ABCC1: variants seen among roughly 807,000 people sequenced by gnomAD.
ABCC1 encodes the protein multidrug resistance-associated protein 1.
In ABCC1, 83 loss-of-function variants were observed where a neutral mutation model predicts 172.9. That is an observed-to-expected ratio of 0.48 (90% CI 0.40 to 0.58). The LOEUF (loss-of-function observed/expected upper bound fraction) is 0.58. Ranked by LOEUF, ABCC1 falls within the 20% of genes least tolerant of loss-of-function variation. The pLI, the probability that ABCC1 is intolerant of heterozygous loss-of-function variation, is 0.00. For synonymous variants in ABCC1, 937 were observed against 825.2 expected, an observed-to-expected ratio of 1.14 and a Z score of -2.32; for missense variants, 1,817 against 2,002.7, an observed-to-expected ratio of 0.91 and a Z score of 1.77.
chr16:16,065,525 C>T (rs1048358096), intron 12 of ABCC1, among the ~76,000 whole-genome samples: 9 of 152,086 alleles, frequency 5.9e-5, no homozygotes, highest in Non-Finnish European at 1.0e-4. Flanking sequence ...CTCCACCTCC[C>T]GGGTTAAAGT....
intron 23 of ABCC1, among the ~76,000 whole-genome samples, chr16:16,119,353 G>T (rs2045049374): frequency 6.6e-6 from 1 of 152,114 alleles, no homozygotes; most frequent in South Asian, 2.1e-4. Flanking sequence ...AGATGGAAGG[G>T]TCACTTGAGC....
At chr16:16,083,655 C>A in intron 17 of ABCC1, 113 bp downstream of exon 17, 1 of 1,383,734 alleles carries the variant, frequency 7.2e-7, no homozygotes, top group Non-Finnish European at 1.0e-6. Flanking sequence ...CCCGGCAGGG[C>A]TCAGCTGGGC....
intron 30 of ABCC1, among the ~76,000 whole-genome samples, chr16:16,140,234 G>A (rs965314349): frequency 3.9e-5 from 6 of 152,226 alleles, no homozygotes; most frequent in Non-Finnish European, 2.9e-5. Flanking sequence ...AGAAAGGTAG[G>A]CAGGGGCTGG....
Position 16,071,716 on chromosome 16 carries a change from G to T in ABCC1, c.1899G>T (p.Arg633=). The T allele has an allele frequency of 6.2e-7, 1 of 1,613,634 alleles. No homozygotes were observed. The highest frequency in any genetic ancestry group is 8.5e-7 in the Non-Finnish European group (1 of 1,179,824). The part of the protein sequence containing the change: ...EELEPDSIER[R]PVKDGGGTNS... ...TGGAACCTGACAGCATCGAGCGACG[G>T]CCTGTCAAAGACGGTGTGTGTGTGT... The change falls in exon 14 of 31, where the codon CGG becomes CGT. Residue 633 remains arginine (R), a synonymous_variant. Coordinates refer to ENST00000399410, the MANE Select transcript of ABCC1 (RefSeq NM_004996.4).
chr16:15,979,275 G>C (rs1003878114), intron 1 of ABCC1, among the ~76,000 whole-genome samples: 1 of 151,912 alleles, frequency 6.6e-6, no homozygotes, highest in African/African-American at 2.4e-5. Flanking sequence ...TGGAGACAGA[G>C]CAAGACTCTG....
intron 23 of ABCC1, among the ~76,000 whole-genome samples, chr16:16,121,113 C>T (rs573734551): frequency 1.7e-3 from 255 of 152,270 alleles, no homozygotes; most frequent in African/African-American, 4.4e-3. Context: ...AATGTGTCCA[C>T]GCAAATACAC....
intron 2 of ABCC1, 120 bp from the exon 3 acceptor site, chr16:16,009,656 T>C: frequency 1.8e-6 from 2 of 1,090,264 alleles, no homozygotes; most frequent in Non-Finnish European, 2.6e-6. Flanking sequence ...GTCCTAGGAC[T>C]GTGGCTGATC....
At position 16,125,872 on chromosome 16, in the gene ABCC1, C is replaced by T. The variant is rs9933640; in HGVS notation, c.3780C>T (p.Ala1260=). 2.3e-3 allele frequency: 3,680 copies of T among 1,614,012 alleles called. 79 individuals are homozygous for T. In the African/African-American group the frequency reaches 0.041, roughly 18 times the overall value. ...CTGAAATGGAAACCAACATCGTGGC[C>T]GTGGAGAGGCTCAAGGAGTATTCAG... The part of the protein sequence containing the change: ...MSSEMETNIV[A]VERLKEYSET... Residue 1260 remains alanine (A), a synonymous_variant, in exon 26 of 31, where the codon GCC becomes GCT. Transcript: ENST00000399410.
chr16:16,068,803 A>G (rs1279126421), intron 13 of ABCC1, among the ~76,000 whole-genome samples: 1 of 152,128 alleles, frequency 6.6e-6, no homozygotes, highest in East Asian at 1.9e-4. Flanking sequence ...CCTGGCCAAC[A>G]TAGTGCAACC....
chr16:15,993,369 G>A (rs969235097), intron 1 of ABCC1, among the ~76,000 whole-genome samples: 1 of 152,164 alleles, frequency 6.6e-6, no homozygotes, highest in African/African-American at 2.4e-5. Flanking sequence ...TCTAAACTCT[G>A]TAATAGGTGG....
At position 16,130,449 on chromosome 16, in the gene ABCC1, T is replaced by C. The variant is rs557345047; in HGVS notation, c.3820-1340T>C. ...GTTTTCTTGTTTCTTTTTTACTCAC[T>C]GCAGTGTGAGGAACAAATCACATTT... On this transcript the variant is annotated intron_variant, in intron 26 of 30. Coordinates refer to ENST00000399410, the MANE Select transcript of ABCC1 (RefSeq NM_004996.4). Among the ~76,000 whole-genome samples, 12 of 152,328 alleles carry C rather than the reference T, an allele frequency of 7.9e-5. No individual in the cohort carries two copies. In the South Asian group the frequency reaches 2.5e-3, roughly 32 times the overall value.
At chr16:16,027,658 C>T (rs2048421518) in intron 5 of ABCC1, among the ~76,000 whole-genome samples, 1 of 152,040 alleles carries the variant, frequency 6.6e-6, no homozygotes, top group Admixed American at 6.6e-5. Flanking sequence ...ACAAAAAATA[C>T]AAAAATTAGC....
intron 28 of ABCC1, among the ~76,000 whole-genome samples, chr16:16,135,319 C>A (rs2045878513): frequency 1.3e-5 from 2 of 152,294 alleles, no homozygotes; most frequent in South Asian, 2.1e-4. Context: ...TACCCTCCTC[C>A]ATCTGTCCCC....
chr16:16,087,379 CATAATAG>C (rs1186361571), intron 18 of ABCC1, among the ~76,000 whole-genome samples: 1 of 152,162 alleles, frequency 6.6e-6, no homozygotes, highest in African/African-American at 2.4e-5. Context: ...AACACCTTAA[CATAATAG>C]GAAATAGTTC....
intron 19 of ABCC1, among the ~76,000 whole-genome samples, chr16:16,101,041 T>G (rs181598417): frequency 6.6e-6 from 1 of 152,022 alleles, no homozygotes; most frequent in East Asian, 1.9e-4. Context: ...TATTTTTTAT[T>G]TTTATTTTTA....
chr16:16,107,956 C>T (rs776689495), intron 21 of ABCC1, among the ~76,000 whole-genome samples: 15 of 151,592 alleles, frequency 9.9e-5, no homozygotes, highest in African/African-American at 2.7e-4. Context: ...TAGATCTGCC[C>T]GGATGTGTCC....
At position 16,014,669 on chromosome 16, in the gene ABCC1, C is replaced by G. The variant is rs752455415; in HGVS notation, c.489+41C>G. The G allele has an allele frequency of 3.7e-6, 6 of 1,607,910 alleles. No individual in the cohort carries two copies. The Admixed American group carries it at 1.0e-4, about 27-fold the overall frequency. On this transcript the variant is annotated intron_variant, in intron 4 of 30. Coordinates refer to ENST00000399410, the MANE Select transcript of ABCC1 (RefSeq NM_004996.4). ...CTTCCTCATCTTCCTTCAGTGGACC[C>G]GGAGGGAGAGATGCTGGGTCCCTCT... is the stretch of plus-strand genomic sequence containing the variant.
At chr16:16,074,238 T>C (rs1035353139) in intron 14 of ABCC1, among the ~76,000 whole-genome samples, 11 of 152,150 alleles carry the variant, frequency 7.2e-5, no homozygotes, top group African/African-American at 2.7e-4. Flanking sequence ...CAAAAATGGC[T>C]CCAGACATTG....
At chr16:16,112,349 G>A (rs1369671722) in intron 22 of ABCC1, among the ~76,000 whole-genome samples, 1 of 150,332 alleles carries the variant, frequency 6.7e-6, no homozygotes, top group Non-Finnish European at 1.5e-5. Flanking sequence ...GGGTGACAGA[G>A]CAAGACCCTG....
Sources: allele counts gnomAD v4.1 joint callset (sites outside exome capture counted in the v4.1 genomes callset), GRCh38; gene constraint gnomAD v4.1.1; transcripts MANE v1.5; gene names NCBI Gene and HGNC (gene_info 2026-07-23, HGNC 2026-07-21).